The following ANKMY1 variants were observed in gnomAD, a reference collection of about 807,000 sequenced individuals.
ANKMY1 encodes ankyrin repeat and MYND domain-containing protein 1.
Under a neutral mutation model 102.0 loss-of-function variants are expected in ANKMY1, and 98 were observed. The observed-to-expected ratio is 0.96, with a 90% confidence interval of 0.82 to 1.14. ANKMY1 has a LOEUF of 1.14. ANKMY1 is among the 50% of genes most tolerant of loss of function. The pLI, the probability that ANKMY1 is intolerant of heterozygous loss-of-function variation, is 0.00. For missense variants in ANKMY1, 1,330 were observed against 1,347.6 expected (o/e 0.99, Z 0.20); for synonymous variants, 582 against 559.9 (o/e 1.04, Z -0.56).
chr2:240,507,829 C>G lies in ANKMY1; in HGVS notation c.2395-138G>C. The G allele has an allele frequency of 1.9e-5, 20 of 1,063,954 alleles. No homozygotes were observed. In the South Asian group the frequency reaches 4.1e-4, roughly 22 times the overall value. 65.9% of individuals were successfully genotyped at this position (1,063,954 alleles called of 1,614,324 possible). On this transcript the variant is annotated intron_variant, in intron 12 of 17. Transcript: ENST00000401804. ...CGGAGGCCACCGCTGGCCCTTCCCA[C>G]GGATCCTACCCACAGTGGGTCCCGC...
chr2:240,471,258 T>A, the ANKMY1 span, among the ~76,000 whole-genome samples: 1 of 130,630 alleles, frequency 7.7e-6, no homozygotes, highest in African/African-American at 3.2e-5. Flanking sequence ...GGAACTCAAA[T>A]TCTTTTTTTT....
At chr2:240,551,836 T>C (rs2091582447) in intron 4 of ANKMY1, among the ~76,000 whole-genome samples, 1 of 152,216 alleles carries the variant, frequency 6.6e-6, no homozygotes, top group Non-Finnish European at 1.5e-5. Context: ...TGTTTCCAGA[T>C]AAACATAGAA....
rs540919366 is a variant in ANKMY1, at chr2:240,528,961, G to A, written c.953+76C>T. On this transcript the variant is annotated intron_variant, in intron 5 of 17. Transcript: ENST00000401804. Reference sequence around the variant, plus strand: ...GGAGCACTGTCAGTGGCAGCTGGCCGGGGACCTCAGGAACCTGCCTAGGGC... The same window carrying A: ...GGAGCACTGTCAGTGGCAGCTGGCCAGGGACCTCAGGAACCTGCCTAGGGC... The A allele has an allele frequency of 2.0e-4, 271 of 1,370,860 alleles. 1 individual carries two copies. Among genetic ancestry groups the A allele is most frequent in the South Asian group, 5.6e-4 (44 of 78,006 alleles). 84.9% of individuals were successfully genotyped at this position (1,370,860 alleles called of 1,614,324 possible).
At chr2:240,537,181 C>A (rs189265397) in intron 4 of ANKMY1, among the ~76,000 whole-genome samples, 1 of 152,212 alleles carries the variant, frequency 6.6e-6, no homozygotes, top group Non-Finnish European at 1.5e-5. Context: ...GTCAGGCCCC[C>A]ACCCTCACCT....
Position 240,526,424 on chromosome 2 carries a change from G to A in ANKMY1, c.975C>T (p.Ser325=). ...YKFRNKPAHT[S]WNMGAILEGK... is the part of the protein sequence containing the mutation. ...CCTCCAGGATGGCGCCCATGTTCCA[G>A]CTGGTGTGAGCTGGCTTGTTCCTGG... Residue 325 remains serine (S), a synonymous_variant, in exon 6 of 18, where the codon AGC becomes AGT. Coordinates refer to ENST00000401804, the MANE Select transcript of ANKMY1 (RefSeq NM_001282771.3). 1 of 1,614,146 alleles carries A rather than the reference G, an allele frequency of 6.2e-7. No homozygotes were observed. Among genetic ancestry groups the A allele is most frequent in the Non-Finnish European group, 8.5e-7 (1 of 1,180,036 alleles).
chr2:240,491,400 A>G (rs941633202), intron 15 of ANKMY1, among the ~76,000 whole-genome samples: 2 of 152,084 alleles, frequency 1.3e-5, no homozygotes, highest in African/African-American at 4.8e-5. Flanking sequence ...TCATTGTTTC[A>G]TATACTTCTT....
chr2:240,498,340 T>G (rs2077555110), intron 15 of ANKMY1, among the ~76,000 whole-genome samples: 1 of 149,174 alleles, frequency 6.7e-6, no homozygotes, highest in East Asian at 2.0e-4. Flanking sequence ...GGCACATAAG[T>G]GAGTTTGGGA....
intron 1 of ANKMY1, 121 bp downstream of exon 1, chr2:240,557,760 G>T: frequency 1.8e-6 from 1 of 569,904 alleles, no homozygotes; most frequent in Non-Finnish European, 2.2e-6. Flanking sequence ...CACGCCCCCA[G>T]CCCCTCGGCC....
intron 15 of ANKMY1, among the ~76,000 whole-genome samples, chr2:240,495,713 C>T (rs891312008): frequency 4.9e-4 from 75 of 152,228 alleles, no homozygotes; most frequent in African/African-American, 1.7e-3. Context: ...AGTTGTCCCC[C>T]GGGCCCAGCT....
At chr2:240,557,850 G>A (rs2092567207) in intron 1 of ANKMY1, 31 bp downstream of exon 1, 1 of 983,344 alleles carries the variant, frequency 1.0e-6, no homozygotes, top group Non-Finnish European at 1.2e-6. Context: ...CCCTAGCCCC[G>A]GCTCCCAGCG....
In ANKMY1 at chr2:240,529,087, G is replaced by A; in HGVS notation, c.903C>T (p.Ile301=). The A allele has an allele frequency of 1.2e-6, 2 of 1,614,174 alleles. No individual in the cohort carries two copies. Among genetic ancestry groups the A allele is most frequent in the Non-Finnish European group, 8.5e-7 (1 of 1,180,032 alleles). ...FVEDGEPWFI[I]NETPLLVKIQ... is the part of the protein sequence containing the mutation. The stretch of plus-strand genomic sequence containing the variant: ...TTTTGACCAACAAAGGGGTCTCATT[G>A]ATTATGAACCATGGTTCTCCATCCT... Residue 301 remains isoleucine, a synonymous_variant, in exon 5 of 18, where the codon ATC becomes ATT. Transcript: ENST00000401804. This position sits in a 1 kb window ranked among gnomAD's most constrained non-coding sequence, Gnocchi z 4.2.
intron 9 of ANKMY1, among the ~76,000 whole-genome samples, chr2:240,513,490 C>T (rs1415573914): frequency 6.6e-6 from 1 of 152,258 alleles, no homozygotes; most frequent in East Asian, 1.9e-4. Flanking sequence ...GGACAGTGGG[C>T]TTTGGGTCAA....
At chr2:240,504,787 G>C (rs1241766153) in intron 13 of ANKMY1, among the ~76,000 whole-genome samples, 1 of 151,038 alleles carries the variant, frequency 6.6e-6, no homozygotes, top group Non-Finnish European at 1.5e-5. Context: ...CAGGTGGATC[G>C]CTTGAGGCCA....
At chr2:240,501,459 T>C (rs1454521447) in intron 13 of ANKMY1, among the ~76,000 whole-genome samples, 1 of 152,152 alleles carries the variant, frequency 6.6e-6, no homozygotes, top group African/African-American at 2.4e-5. Context: ...GCAAGTTCTA[T>C]CAGGGGGCCT....
At chr2:240,475,633 T>C (rs903475514), downstream of ANKMY1, among the ~76,000 whole-genome samples, 1 of 151,844 alleles carries the variant, frequency 6.6e-6, no homozygotes, top group African/African-American at 2.4e-5. Flanking sequence ...AATGGCATTG[T>C]TTTCTTAATT....
chr2:240,475,274 C>CA (rs756602721), downstream of ANKMY1, among the ~76,000 whole-genome samples: 6 of 151,856 alleles, frequency 4.0e-5, no homozygotes, highest in Non-Finnish European at 5.9e-5. Flanking sequence ...AAAGTTCCAC[C>CA]AAAAAACCTG....
chr2:240,507,569 C>T lies in ANKMY1; in HGVS notation c.2517G>A (p.Lys839=), dbSNP rs201767407. The T allele has an allele frequency of 2.1e-4, 344 of 1,608,194 alleles. 4 individuals carry two copies. The East Asian group carries it at 7.6e-3, about 35-fold the overall frequency. Residue 839 remains lysine (K), a synonymous_variant, in exon 13 of 18, where the codon AAG becomes AAA. Coordinates refer to ENST00000401804, the MANE Select transcript of ANKMY1 (RefSeq NM_001282771.3). ...GCCTCCTGCCCCTCACCAGGGCCAGCTTGCTGTCCATGTTCCTCTGGTGCT... is the reference window on the plus strand; with the variant it reads ...GCCTCCTGCCCCTCACCAGGGCCAGTTTGCTGTCCATGTTCCTCTGGTGCT... The part of the protein sequence containing the change: ...TYEHQRNMDS[K]LALIDRLISH...
At chr2:240,516,050 A>G (rs893760053) in intron 9 of ANKMY1, among the ~76,000 whole-genome samples, 7 of 152,046 alleles carry the variant, frequency 4.6e-5, no homozygotes, top group Non-Finnish European at 1.0e-4. Flanking sequence ...TGCAGGGAAA[A>G]AAAAAGGAGG....
intron 15 of ANKMY1, among the ~76,000 whole-genome samples, chr2:240,492,706 T>C (rs1449621845): frequency 6.6e-6 from 1 of 152,214 alleles, no homozygotes; most frequent in Non-Finnish European, 1.5e-5. Flanking sequence ...TTTTTTTAAA[T>C]TTGAGACAGA....
Sources: gnomAD v4.1 joint callset for allele counts (sites outside exome capture counted in the v4.1 genomes callset) on GRCh38, gnomAD v4.1.1 for gene constraint, Gnocchi (gnomAD v3.1) non-coding constraint, MANE v1.5 for transcripts, NCBI Gene and HGNC (gene_info 2026-07-23, HGNC 2026-07-21) for gene names.